SYNPO2: variants seen among roughly 807,000 people sequenced by gnomAD.
The protein encoded by SYNPO2 is synaptopodin-2.
In SYNPO2, 56 loss-of-function variants were observed where a neutral mutation model predicts 85.0. The ratio of observed to expected loss-of-function variants is 0.66; its 90% CI spans 0.53 to 0.82. The LOEUF is 0.82. Among genes scored for constraint, SYNPO2 ranks in the 40% least tolerant of loss-of-function variants. The pLI is 0.00. For synonymous variants in SYNPO2, 602 were observed against 591.1 expected (o/e 1.02, Z -0.27); for missense variants, 1,575 against 1,534.2 (o/e 1.03, Z -0.44).
chr4:118,970,401 G>T (rs1285759399), intron 1 of SYNPO2, among the ~76,000 whole-genome samples: 1 of 152,170 alleles, frequency 6.6e-6, no homozygotes, highest in Non-Finnish European at 1.5e-5. Flanking sequence ...CAAGATCTAT[G>T]ACACAGTCAC....
chr4:118,916,520 CT>C (rs1307383674), intron 1 of SYNPO2, among the ~76,000 whole-genome samples: 1 of 151,148 alleles, frequency 6.6e-6, no homozygotes, highest in African/African-American at 2.4e-5. Flanking sequence ...TTAGAGAAAT[CT>C]TTTGCTACTC....
intron 1 of SYNPO2, among the ~76,000 whole-genome samples, chr4:118,977,339 CCG>C (rs1320505636): frequency 1.1e-4 from 16 of 152,248 alleles, no homozygotes; most frequent in African/African-American, 3.6e-4. Flanking sequence ...GCCAGCTGCT[CCG>C]AGTGCGGGGC....
chr4:118,920,839 A>C (rs993109013), intron 1 of SYNPO2, among the ~76,000 whole-genome samples: 4 of 152,026 alleles, frequency 2.6e-5, no homozygotes, highest in Non-Finnish European at 4.4e-5. Context: ...CAAATCAAGA[A>C]TGATGTCTGG....
intron 1 of SYNPO2, among the ~76,000 whole-genome samples, chr4:118,879,904 G>C (rs1023333585): frequency 1.3e-4 from 19 of 151,764 alleles, no homozygotes; most frequent in African/African-American, 4.6e-4. Context: ...TCTGAGGCCT[G>C]TTGCCTGTCA....
At chr4:118,966,780 G>A (rs955863552) in intron 1 of SYNPO2, among the ~76,000 whole-genome samples, 1 of 152,102 alleles carries the variant, frequency 6.6e-6, no homozygotes, top group East Asian at 1.9e-4. Flanking sequence ...TGGTGGCCTA[G>A]TTTGTCCCAG....
At chr4:118,891,431 A>G (rs1039626564) in intron 1 of SYNPO2, among the ~76,000 whole-genome samples, 1 of 152,166 alleles carries the variant, frequency 6.6e-6, no homozygotes, top group Non-Finnish European at 1.5e-5. Flanking sequence ...TAGAAGATGT[A>G]AGTTCTAAAT....
chr4:118,883,294 GA>G (rs1178178946), intron 1 of SYNPO2, among the ~76,000 whole-genome samples: 1 of 151,896 alleles, frequency 6.6e-6, no homozygotes, highest in African/African-American at 2.4e-5. Context: ...CTAGTTCTTT[GA>G]ATAATTAGGA....
chr4:118,989,805 G>A (rs149070437), intron 1 of SYNPO2, among the ~76,000 whole-genome samples: 94 of 152,308 alleles, frequency 6.2e-4, no homozygotes, highest in Non-Finnish European at 6.0e-4. Context: ...CCTAACTTGT[G>A]TTCACGCAGG....
chr4:119,033,217 GCAT>G lies in SYNPO2; in HGVS notation c.3252+1194_3252+1196del, dbSNP rs1046634368. 105 of 985,380 alleles carry G rather than the reference GCAT, an allele frequency of 1.1e-4. No homozygotes were observed. In the African/African-American group the frequency reaches 1.6e-3, roughly 15 times the overall value. 61.0% of individuals were successfully genotyped at this position (985,380 alleles called of 1,614,324 possible). A position where few individuals can be genotyped will look rare whatever the true frequency, so the allele number is the denominator to read the frequency against. On this transcript the variant is annotated intron_variant, in intron 4 of 4. Transcript: ENST00000307142. ...GTAGGGTGAGAGCACACAATTATTA[GCAT>G]CATTTCTGAGTGATCTCACAGATTT...
chr4:119,018,506 A>AC (rs1737600728), intron 1 of SYNPO2, among the ~76,000 whole-genome samples: 1 of 151,836 alleles, frequency 6.6e-6, no homozygotes, highest in Admixed American at 6.6e-5. Flanking sequence ...TTTCTGAGGA[A>AC]CCTCCATATG....
chr4:118,867,212 T>G (rs1340361449), intron 1 of SYNPO2, among the ~76,000 whole-genome samples: 2 of 152,192 alleles, frequency 1.3e-5, no homozygotes, highest in African/African-American at 4.8e-5. Context: ...CTTAAACACT[T>G]TAAAAGAACC....
At chr4:119,007,643 G>A (rs1319248156) in intron 1 of SYNPO2, among the ~76,000 whole-genome samples, 3 of 152,066 alleles carry the variant, frequency 2.0e-5, no homozygotes, top group Non-Finnish European at 4.4e-5. Context: ...AGCGGCACCA[G>A]AGTCAAGCCA....
At chr4:118,885,631 C>T (rs957088554), upstream of SYNPO2, among the ~76,000 whole-genome samples, 1 of 152,068 alleles carries the variant, frequency 6.6e-6, no homozygotes, top group Non-Finnish European at 1.5e-5. Flanking sequence ...CACCACCACG[C>T]CCAGCTAATT....
intron 1 of SYNPO2, among the ~76,000 whole-genome samples, chr4:118,961,099 G>GCGCCCCCCC (rs1735065050): frequency 1.1e-5 from 1 of 94,618 alleles, no homozygotes; most frequent in Non-Finnish European, 2.0e-5. Context: ...CTATTTTACC[G>GCGCCCCCCC]CCCCCCCCCC....
At chr4:118,871,048 G>C (rs1731789739) in intron 1 of SYNPO2, among the ~76,000 whole-genome samples, 1 of 152,142 alleles carries the variant, frequency 6.6e-6, no homozygotes. Context: ...GCCAAGCCTT[G>C]GCTCTCATAC....
At chr4:118,981,731 A>AGTTACTTGGT (rs1441515069) in intron 1 of SYNPO2, among the ~76,000 whole-genome samples, 2 of 152,186 alleles carry the variant, frequency 1.3e-5, no homozygotes, top group Non-Finnish European at 2.9e-5. Context: ...GGTAATTAAC[A>AGTTACTTGGT]AAACAAGCTT....
intron 1 of SYNPO2, among the ~76,000 whole-genome samples, chr4:118,959,785 C>T (rs114247835): frequency 0.01 from 1,026 of 102,478 alleles, 17 homozygotes; most frequent in African/African-American, 0.026. Flanking sequence ...TTGGCATCTC[C>T]GAGGCTCTAT....
At chr4:118,894,026 G>T (rs574990887) in intron 1 of SYNPO2, among the ~76,000 whole-genome samples, 1 of 148,336 alleles carries the variant, frequency 6.7e-6, no homozygotes, top group Non-Finnish European at 1.5e-5. Context: ...TAAAAAAGAA[G>T]ATATATATAT....
chr4:118,855,630 G>C (rs1731492452), intron 1 of SYNPO2, among the ~76,000 whole-genome samples: 1 of 151,410 alleles, frequency 6.6e-6, no homozygotes, highest in Non-Finnish European at 1.5e-5. Context: ...CAGTAACTTT[G>C]TGAAGCCATA....
Sources: gnomAD v4.1 joint callset for allele counts (sites outside exome capture counted in the v4.1 genomes callset) on GRCh38, gnomAD v4.1.1 for gene constraint, MANE v1.5 for transcripts, NCBI Gene and HGNC (gene_info 2026-07-23, HGNC 2026-07-21) for gene names.